The following SAC3D1 variants were observed in gnomAD, a reference collection of about 807,000 sequenced individuals.
The protein encoded by SAC3D1 is SAC3 domain-containing protein 1.
SAC3D1 carries 10 observed loss-of-function variants against 12.7 expected under a neutral mutation model. The observed-to-expected ratio is 0.79, with a 90% CI of 0.49 to 1.34. The LOEUF (loss-of-function observed/expected upper bound fraction) is 1.34. SAC3D1 is among the 40% of genes most tolerant of loss of function. The pLI is 0.00. For missense variants in SAC3D1, 482 were observed against 531.1 expected (o/e 0.91, Z 0.91); for synonymous variants, 241 against 250.8 (o/e 0.96, Z 0.37).
rs1946594130 is a variant in SAC3D1 at position 65,041,407 on chromosome 11, C to A, written c.115C>A (p.Arg39Ser). The A allele has an allele frequency of 1.3e-5, 19 of 1,505,770 alleles. No homozygotes were observed. The highest frequency in any genetic ancestry group is 1.6e-5 in the Non-Finnish European group (18 of 1,134,324). 93.3% of individuals were successfully genotyped at this position (1,505,770 alleles called of 1,614,324 possible). ...LHRLEVVPGC[R>S]QDPPRADPQR... ...CCGCTTGGAGGTGGTGCCGGGTTGC[C>A]GCCAGGACCCGCCCCGCGCGGATCC... The change falls in exon 1 of 2, where the codon CGC becomes AGC. Residue 39 changes from arginine to serine, a missense_variant. Arg to Ser is a moderately radical substitution (Grantham distance 110). Around this residue, in one of 3 missense-constraint regions of SAC3D1, gnomAD observed 197 missense variants for 183.2 expected, o/e 1.08. Coordinates refer to ENST00000652489, the MANE Select transcript of SAC3D1 (RefSeq NM_013299.4).
At chr11:65,041,048 C>T, upstream of SAC3D1, 1 of 561,082 alleles carries the variant, frequency 1.8e-6, no homozygotes, top group South Asian at 1.9e-5. Context: ...CGCGGAGCCG[C>T]AGAGGCGTAG....
intron 1 of SAC3D1, among the ~76,000 whole-genome samples, chr11:65,042,370 C>G (rs1309008148): frequency 6.6e-6 from 1 of 152,038 alleles, no homozygotes; most frequent in Non-Finnish European, 1.5e-5. Context: ...GCTGGGATTA[C>G]AGGCGTGAGC....
rs10792455 is a variant in SAC3D1, at chr11:65,041,661, T to A, written c.369T>A (p.Ala123=). The A allele has an allele frequency of 7.0e-7, 1 of 1,433,570 alleles. No individual in the cohort carries two copies. Among genetic ancestry groups the A allele is most frequent in the South Asian group, 1.4e-5 (1 of 72,184 alleles). The allele number at this position is 1,433,570 out of a possible 1,614,324, so 88.8% of individuals were successfully genotyped here. Reference sequence around the variant, plus strand: ...AGGGAGCGGGCGACGCCGAGGCAGCTGTGGTGCTGGAGGCGGCGCTGGCCA... The same window carrying A: ...AGGGAGCGGGCGACGCCGAGGCAGCAGTGGTGCTGGAGGCGGCGCTGGCCA... ...ALQGAGDAEA[A]VVLEAALATL... The change falls in exon 1 of 2, where the codon GCT becomes GCA. Residue 123 remains alanine, a synonymous_variant. Transcript: ENST00000652489.
Position 65,044,358 on chromosome 11 carries a change from G to A in SAC3D1, c.708G>A (p.Gln236=), listed in dbSNP as rs368895607. 81 of 1,613,394 alleles carry A rather than the reference G, an allele frequency of 5.0e-5. No homozygotes were observed. The highest frequency in any genetic ancestry group is 6.8e-5 in the Non-Finnish European group (80 of 1,180,032). ...CTGCCCGCCTGTTCCGTCTGCTCCA[G>A]ACCCTGCCCTACCTGCCAAGTTGCG... The part of the protein sequence containing the change: ...GNAARLFRLL[Q]TLPYLPSCAV... The change falls in exon 2 of 2, where the codon CAG becomes CAA. Residue 236 remains glutamine (Q), a synonymous_variant. Transcript: ENST00000652489. This position sits in a 1 kb window ranked among gnomAD's most constrained non-coding sequence, Gnocchi z 4.0.
chr11:65,044,300 T>C lies in SAC3D1; in HGVS notation c.650T>C (p.Leu217Ser), dbSNP rs1212060958. 1 of 1,613,272 alleles carries C rather than the reference T, an allele frequency of 6.2e-7. No individual in the cohort carries two copies. The highest frequency in any genetic ancestry group is 1.1e-5 in the South Asian group (1 of 91,076). ...LRACPPLRKA[L>S]AVDAAFREGN... Reference sequence around the variant, plus strand: ...GCCTGCCCGCCCCTCCGCAAGGCCTTGGCGGTAGATGCTGCCTTCCGAGAG... The same window carrying C: ...GCCTGCCCGCCCCTCCGCAAGGCCTCGGCGGTAGATGCTGCCTTCCGAGAG... The change falls in exon 2 of 2, where the codon TTG becomes TCG. Residue 217 changes from leucine (L) to serine (S), a missense_variant. This residue lies in a region of SAC3D1 where 225 missense variants were observed against 241.1 expected (regional missense o/e 0.93). Transcript: ENST00000652489. The surrounding 1 kb of genome is among the most constrained non-coding windows in gnomAD (Gnocchi z 4.0).
At chr11:65,040,986 C>G (rs749396371), upstream of SAC3D1, 2 of 463,240 alleles carry the variant, frequency 4.3e-6, no homozygotes, top group Non-Finnish European at 7.7e-6. Context: ...CTAAGGGGAG[C>G]GCGCGAAGCT....
chr11:65,044,092 G>A lies in SAC3D1; in HGVS notation c.575-133G>A. ...AGGAGCCAAAGGCTGGCCCTTAGAG[G>A]GGAGAGGGAAGTTGGGCTAGGCCTA... On this transcript the variant is annotated intron_variant, in intron 1 of 1. Transcript: ENST00000652489. The surrounding 1 kb of genome is among the most constrained non-coding windows in gnomAD (Gnocchi z 4.0). 1 of 1,034,468 alleles carries A rather than the reference G, an allele frequency of 9.7e-7. No homozygotes were observed. The highest frequency in any genetic ancestry group is 1.5e-5 in the South Asian group (1 of 65,514). 64.1% of individuals were successfully genotyped at this position (1,034,468 alleles called of 1,614,324 possible).
rs1289747056 is a variant in SAC3D1, at chr11:65,041,735, C to T, written c.443C>T (p.Pro148Leu). 8 of 1,309,056 alleles carry T rather than the reference C, an allele frequency of 6.1e-6. No individual in the cohort carries two copies. The highest frequency in any genetic ancestry group is 2.9e-4 in the Middle Eastern group (1 of 3,486). 81.1% of individuals were successfully genotyped at this position (1,309,056 alleles called of 1,614,324 possible). Residue 148 changes from proline (P) to leucine (L), a missense_variant, in exon 1 of 2, where the codon CCC (proline) becomes CTC (leucine). Physicochemically the swap from Pro to Leu is moderately conservative, Grantham distance 98. Around this residue, in one of 3 missense-constraint regions of SAC3D1, gnomAD observed 60 missense variants for 106.9 expected, o/e 0.56. Transcript: ENST00000652489. ...CTCGGGCCCGACGCGGCGCGGGGAC[C>T]CGCGGACCCGGTGCTGCTGCAGGCC... ...ARLGPDAARG[P>L]ADPVLLQAQV... is the part of the protein sequence containing the mutation.
At position 65,044,196 on chromosome 11, in the gene SAC3D1, G is replaced by A. The variant is rs770398124; in HGVS notation, c.575-29G>A. On this transcript the variant is annotated intron_variant, in intron 1 of 1. Coordinates refer to ENST00000652489, the MANE Select transcript of SAC3D1 (RefSeq NM_013299.4). This position sits in a 1 kb window ranked among gnomAD's most constrained non-coding sequence, Gnocchi z 4.0. ...GAGCCTGATCCTGTAAGGACCAGGC[G>A]TCCTCATTCTGGCTTCCCGCTCTCA... 20 of 1,606,122 alleles carry A rather than the reference G, an allele frequency of 1.2e-5. No individual in the cohort carries two copies. The highest frequency in any genetic ancestry group is 1.7e-4 in the Middle Eastern group (1 of 5,742).
chr11:65,041,716 C>T lies in SAC3D1; in HGVS notation c.424C>T (p.Pro142Ser), dbSNP rs1946607721. The change falls in exon 1 of 2, where the codon CCC becomes TCC. Residue 142 changes from proline to serine, a missense_variant. By Grantham distance (74) the Pro-to-Ser change is moderately conservative (BLOSUM62 -1). This residue lies in a region of SAC3D1 where 60 missense variants were observed against 106.9 expected (regional missense o/e 0.56). Transcript: ENST00000652489. ...GCTGACCGTAGTGGCGCGGCTCGGG[C>T]CCGACGCGGCGCGGGGACCCGCGGA... ...TLLTVVARLG[P>S]DAARGPADPV... 7.6e-7 allele frequency: 1 copy of T among 1,309,630 alleles called. No individual in the cohort carries two copies. The allele number at this position is 1,309,630 out of a possible 1,614,324, so 81.1% of individuals were successfully genotyped here. A position where few individuals can be genotyped will look rare whatever the true frequency, so the allele number is the denominator to read the frequency against.
In SAC3D1 at chr11:65,044,667, G is replaced by A. The variant is rs764850620; in HGVS notation, c.1017G>A (p.Glu339=). Residue 339 remains glutamate (E), a synonymous_variant, in exon 2 of 2, where the codon GAG becomes GAA. Transcript: ENST00000652489. The surrounding 1 kb of genome is among the most constrained non-coding windows in gnomAD (Gnocchi z 4.0). Reference sequence around the variant, plus strand: ...GCAAACTTCGAGGACGTACCCTGGAGGAGGTGGTCATGGCAGAGGAGGAAG... The same window carrying A: ...GCAAACTTCGAGGACGTACCCTGGAAGAGGTGGTCATGGCAGAGGAGGAAG... ...VESKLRGRTL[E]EVVMAEEEDE... is the part of the protein sequence containing the mutation. 6.2e-7 allele frequency: 1 copy of A among 1,613,800 alleles called. No individual in the cohort carries two copies. Among genetic ancestry groups the A allele is most frequent in the East Asian group, 2.2e-5 (1 of 44,894 alleles).
At chr11:65,042,404 A>C (rs1284041438) in intron 1 of SAC3D1, among the ~76,000 whole-genome samples, 4 of 150,416 alleles carry the variant, frequency 2.7e-5, no homozygotes, top group African/African-American at 9.8e-5. Context: ...TGATTTTCAA[A>C]CTCTTTTAAC....
Position 65,041,235 on chromosome 11 carries a change from C to T in SAC3D1, c.-58C>T, listed in dbSNP as rs1038928095. On this transcript the variant is annotated 5_prime_UTR_variant, in exon 1 of 2. Transcript: ENST00000652489. ...CCCCCCGGCCGGCCTCGCGTGCCTT[C>T]CCGCAGCACTGCCGTCCCCGGGATG... The T allele has an allele frequency of 2.2e-5, 32 of 1,460,064 alleles. No homozygotes were observed. The highest frequency in any genetic ancestry group is 5.8e-5 in the East Asian group (2 of 34,400). 90.4% of individuals were successfully genotyped at this position (1,460,064 alleles called of 1,614,324 possible).
At chr11:65,043,919 C>T (rs561168077) in intron 1 of SAC3D1, among the ~76,000 whole-genome samples, 3 of 152,286 alleles carry the variant, frequency 2.0e-5, no homozygotes, top group East Asian at 1.9e-4. Flanking sequence ...ACTACATACC[C>T]GCCCTAGGAC....
Position 65,044,802 on chromosome 11 carries a change from T to A in SAC3D1, c.*75T>A. 1.4e-6 allele frequency: 2 copies of A among 1,480,700 alleles called. No individual in the cohort carries two copies. Among genetic ancestry groups the A allele is most frequent in the South Asian group, 2.6e-5 (2 of 77,076 alleles). 91.7% of individuals were successfully genotyped at this position (1,480,700 alleles called of 1,614,324 possible). A position where few individuals can be genotyped will look rare whatever the true frequency, so the allele number is the denominator to read the frequency against. ...GGTTTCTTTTTCCATGGTTTCCAGG[T>A]AATAAAAGGAACTTGTTTTGTTGGT... On this transcript the variant is annotated 3_prime_UTR_variant, in exon 2 of 2. Coordinates refer to ENST00000652489, the MANE Select transcript of SAC3D1 (RefSeq NM_013299.4). This position sits in a 1 kb window ranked among gnomAD's most constrained non-coding sequence, Gnocchi z 4.0.
In SAC3D1 at chr11:65,044,118, G is replaced by C. The variant is rs907820080; in HGVS notation, c.575-107G>C. The C allele has an allele frequency of 1.5e-6, 2 of 1,360,254 alleles. No individual in the cohort carries two copies. Among genetic ancestry groups the C allele is most frequent in the African/African-American group, 2.9e-5 (2 of 68,844 alleles). The allele number at this position is 1,360,254 out of a possible 1,614,324, so 84.3% of individuals were successfully genotyped here. A position where few individuals can be genotyped will look rare whatever the true frequency, so the allele number is the denominator to read the frequency against. ...GGAGAGGGAAGTTGGGCTAGGCCTA[G>C]AGAAGGGGCGTGGTCGAGGAGAGAG... On this transcript the variant is annotated intron_variant, in intron 1 of 1. Transcript: ENST00000652489. This position sits in a 1 kb window ranked among gnomAD's most constrained non-coding sequence, Gnocchi z 4.0.
At position 65,041,871 on chromosome 11, in the gene SAC3D1, G is replaced by T; in HGVS notation, c.574+5G>T. 1 of 1,436,338 alleles carries T rather than the reference G, an allele frequency of 7.0e-7. No individual in the cohort carries two copies. The highest frequency in any genetic ancestry group is 9.1e-7 in the Non-Finnish European group (1 of 1,102,500). The allele number at this position is 1,436,338 out of a possible 1,614,324, so 89.0% of individuals were successfully genotyped here. ...TCTTTCTGCTCTATAACCTGGGTGA[G>T]TCGGGATCCTGGCGGCTGGGCAGAG... On this transcript the variant is annotated splice_donor_5th_base_variant and intron_variant, in intron 1 of 1. Coordinates refer to ENST00000652489, the MANE Select transcript of SAC3D1 (RefSeq NM_013299.4).
At position 65,044,094 on chromosome 11, in the gene SAC3D1, G is replaced by A; in HGVS notation, c.575-131G>A. The stretch of plus-strand genomic sequence containing the variant: ...GAGCCAAAGGCTGGCCCTTAGAGGG[G>A]AGAGGGAAGTTGGGCTAGGCCTAGA... On this transcript the variant is annotated intron_variant, in intron 1 of 1. Coordinates refer to ENST00000652489, the MANE Select transcript of SAC3D1 (RefSeq NM_013299.4). The surrounding 1 kb of genome is among the most constrained non-coding windows in gnomAD (Gnocchi z 4.0). The A allele has an allele frequency of 1.9e-6, 2 of 1,050,172 alleles. No individual in the cohort carries two copies. Among genetic ancestry groups the A allele is most frequent in the Non-Finnish European group, 2.8e-6 (2 of 717,960 alleles). 65.1% of individuals were successfully genotyped at this position (1,050,172 alleles called of 1,614,324 possible). A position where few individuals can be genotyped will look rare whatever the true frequency, so the allele number is the denominator to read the frequency against.
At chr11:65,042,371 A>T (rs925990473) in intron 1 of SAC3D1, among the ~76,000 whole-genome samples, 1 of 152,028 alleles carries the variant, frequency 6.6e-6, no homozygotes, top group Non-Finnish European at 1.5e-5. Flanking sequence ...CTGGGATTAC[A>T]GGCGTGAGCC....
Sources: gnomAD v4.1 joint callset for allele counts (sites outside exome capture counted in the v4.1 genomes callset) on GRCh38, gnomAD v4.1.1 for gene constraint, gnomAD v4.1.1 regional missense constraint, Gnocchi (gnomAD v3.1) non-coding constraint, MANE v1.5 for transcripts, NCBI Gene and HGNC (gene_info 2026-07-23, HGNC 2026-07-21) for gene names.